The following PRKAR1B variants were observed in gnomAD, a reference collection of about 807,000 sequenced individuals.
PRKAR1B encodes cAMP-dependent protein kinase type I-beta regulatory subunit.
In PRKAR1B, 22 loss-of-function variants were observed where a neutral mutation model predicts 46.5. The observed-to-expected ratio is 0.47, with a 90% CI of 0.34 to 0.68. The LOEUF (loss-of-function observed/expected upper bound fraction) is 0.68. PRKAR1B is among the 30% of genes least tolerant of loss of function. PRKAR1B has a pLI of 0.01. For synonymous variants in PRKAR1B, 259 were observed against 217.7 expected, an observed-to-expected ratio of 1.19 and a Z score of -1.67; for missense variants, 445 against 535.6, an observed-to-expected ratio of 0.83 and a Z score of 1.67.
chr7:560,946 G>A lies in PRKAR1B; in HGVS notation c.892-9476C>T, dbSNP rs559718233. ...TTCAGGCTCACTCCAGTGCCTTTAC[G>A]TTTCCTGTGCACACATTTCCTGCCT... is the stretch of plus-strand genomic sequence containing the variant. On this transcript the variant is annotated intron_variant, in intron 9 of 10. Coordinates refer to ENST00000537384, the MANE Select transcript of PRKAR1B (RefSeq NM_001164760.2). The surrounding 1 kb of genome is among the most constrained non-coding windows in gnomAD (Gnocchi z 4.2). 3.3e-4 allele frequency among the ~76,000 whole-genome samples: 51 copies of A among 152,300 alleles called. No individual in the cohort carries two copies. Among genetic ancestry groups the A allele is most frequent in the African/African-American group, 9.6e-4 (40 of 41,566 alleles).
At chr7:646,733 T>A (rs1784638912) in intron 4 of PRKAR1B, among the ~76,000 whole-genome samples, 1 of 152,236 alleles carries the variant, frequency 6.6e-6, no homozygotes, top group Non-Finnish European at 1.5e-5. Flanking sequence ...GTGCTCAGCA[T>A]CCTACGACGG....
At chr7:693,618 G>A (rs1056075834) in intron 2 of PRKAR1B, among the ~76,000 whole-genome samples, 10 of 152,186 alleles carry the variant, frequency 6.6e-5, no homozygotes, top group South Asian at 2.1e-4. Context: ...CTTCCCTTGC[G>A]TGGAGAGGCC....
intron 6 of PRKAR1B, among the ~76,000 whole-genome samples, chr7:603,495 C>A (rs1218174331): frequency 6.6e-6 from 1 of 152,196 alleles, no homozygotes; most frequent in African/African-American, 2.4e-5. Flanking sequence ...TCCCCCACAC[C>A]AGAGCAGGCA....
intron 4 of PRKAR1B, among the ~76,000 whole-genome samples, chr7:636,492 C>T (rs1477805020): frequency 6.6e-6 from 1 of 152,200 alleles, no homozygotes; most frequent in Non-Finnish European, 1.5e-5. Flanking sequence ...GATGCTGGGG[C>T]TCCTTCACCA....
intron 2 of PRKAR1B, among the ~76,000 whole-genome samples, chr7:708,146 G>A (rs918645012): frequency 1.3e-5 from 2 of 151,256 alleles, no homozygotes; most frequent in Non-Finnish European, 2.9e-5. Context: ...CCAGAGCCGG[G>A]GGAGACATAG....
chr7:614,051 G>A (rs149243470), intron 4 of PRKAR1B, among the ~76,000 whole-genome samples: 11,689 of 152,260 alleles, frequency 0.077, 514 homozygotes, highest in Middle Eastern at 0.1. Flanking sequence ...GGCGGGAGGC[G>A]TGGCGCCCAC....
chr7:673,077 A>AAC (rs1162342531), intron 4 of PRKAR1B, among the ~76,000 whole-genome samples: 3,010 of 116,130 alleles, frequency 0.026, 252 homozygotes, highest in African/African-American at 0.049. Flanking sequence ...AAAAAAAAAA[A>AAC]ACACACACAC....
chr7:636,758 C>G (rs1054568231), intron 4 of PRKAR1B, among the ~76,000 whole-genome samples: 16 of 152,178 alleles, frequency 1.1e-4, no homozygotes, highest in Non-Finnish European at 4.4e-5. Flanking sequence ...CCTGACGGGT[C>G]GGGTCCATCT....
intron 7 of PRKAR1B, 106 bp downstream of exon 7, chr7:596,040 G>A (rs1781250463): frequency 2.1e-6 from 3 of 1,404,844 alleles, no homozygotes; most frequent in Non-Finnish European, 1.9e-6. Context: ...GAGGTTGGAA[G>A]TGTCTTTTCT....
At chr7:698,715 T>C (rs1201193183) in intron 2 of PRKAR1B, among the ~76,000 whole-genome samples, 2 of 152,008 alleles carry the variant, frequency 1.3e-5, no homozygotes, top group Non-Finnish European at 2.9e-5. Flanking sequence ...GCTATGCATC[T>C]GGGTAAGTGC....
chr7:594,267 C>T (rs183747476), intron 7 of PRKAR1B, among the ~76,000 whole-genome samples: 53 of 152,252 alleles, frequency 3.5e-4, no homozygotes, highest in Non-Finnish European at 6.9e-4. Context: ...AGGCTGGCCT[C>T]GGGCATGGAG....
intron 4 of PRKAR1B, among the ~76,000 whole-genome samples, chr7:659,491 C>T (rs556648492): frequency 8.4e-4 from 128 of 152,228 alleles, no homozygotes; most frequent in Non-Finnish European, 1.5e-3. Flanking sequence ...CACGCCGTCC[C>T]GAGCCGGAAT....
At chr7:698,269 A>G (rs1191742535) in intron 2 of PRKAR1B, among the ~76,000 whole-genome samples, 1 of 152,126 alleles carries the variant, frequency 6.6e-6, no homozygotes, top group Non-Finnish European at 1.5e-5. Context: ...TAAAAATTAA[A>G]TTAATAAAAT....
chr7:582,585 G>A (rs548987652), intron 8 of PRKAR1B, among the ~76,000 whole-genome samples: 1 of 152,392 alleles, frequency 6.6e-6, no homozygotes, highest in Admixed American at 6.5e-5. Context: ...CGCGGCCAGG[G>A]CGTGCGACGG....
At chr7:684,057 T>C (rs370041746) in intron 2 of PRKAR1B, among the ~76,000 whole-genome samples, 2 of 149,956 alleles carry the variant, frequency 1.3e-5, no homozygotes, top group African/African-American at 4.9e-5. Flanking sequence ...ATGCCCTCTG[T>C]GTATGCCGAT....
At chr7:669,141 C>T (rs1205340298) in intron 4 of PRKAR1B, among the ~76,000 whole-genome samples, 2 of 152,138 alleles carry the variant, frequency 1.3e-5, no homozygotes, top group Non-Finnish European at 2.9e-5. Context: ...TATTACTCGG[C>T]CCTGAAAAAG....
In PRKAR1B at chr7:550,236, G is replaced by A. The variant is rs1303996055; in HGVS notation, c.*194C>T. ...ATCTTGGGATGCATTTTGTCCGCTT[G>A]TCCTTTGATTTGGAAATGCACAAGG... On this transcript the variant is annotated 3_prime_UTR_variant, in exon 11 of 11. Coordinates refer to ENST00000537384, the MANE Select transcript of PRKAR1B (RefSeq NM_001164760.2). The A allele has an allele frequency of 1.7e-6, 1 of 588,972 alleles. No individual in the cohort carries two copies. The allele number at this position is 588,972 out of a possible 1,614,324, so 36.5% of individuals were successfully genotyped here.
intron 3 of PRKAR1B, among the ~76,000 whole-genome samples, chr7:679,543 T>C (rs2128506780): frequency 6.6e-6 from 1 of 152,352 alleles, no homozygotes; most frequent in Admixed American, 6.5e-5. Flanking sequence ...TAGCTGATTA[T>C]AAAAGTATTA....
Position 592,023 on chromosome 7 carries a change from C to A in PRKAR1B, c.708+4123G>T, listed in dbSNP as rs1214762962. The stretch of plus-strand genomic sequence containing the variant: ...CAATGAGAAGAGAAAGAGGCCCAGG[C>A]AGGCGGAGCAGGGGTCGCCAGCTGT... On this transcript the variant is annotated intron_variant, in intron 7 of 10. Coordinates refer to ENST00000537384, the MANE Select transcript of PRKAR1B (RefSeq NM_001164760.2). Among the ~76,000 whole-genome samples the A allele has an allele frequency of 2.8e-4, 43 of 152,242 alleles. 1 individual carries two copies. Among genetic ancestry groups the A allele is most frequent in the Admixed American group, 2.8e-3 (43 of 15,292 alleles).
Sources: allele counts gnomAD v4.1 joint callset (sites outside exome capture counted in the v4.1 genomes callset), GRCh38; gene constraint gnomAD v4.1.1; non-coding constraint Gnocchi (gnomAD v3.1); transcripts MANE v1.5; gene names NCBI Gene and HGNC (gene_info 2026-07-23, HGNC 2026-07-21).